GMPS: variants seen among roughly 807,000 people sequenced by gnomAD.
GMPS encodes the protein guanosine monophosphate synthase.
GMPS carries 15 observed loss-of-function variants against 77.9 expected under a neutral mutation model. The ratio of observed to expected loss-of-function variants is 0.19; its 90% CI spans 0.13 to 0.30. The LOEUF (loss-of-function observed/expected upper bound fraction) is 0.30. Among genes scored for constraint, GMPS ranks in the 10% least tolerant of loss-of-function variants. GMPS has a pLI of 1.00. For missense variants in GMPS, 590 were observed against 838.8 expected, an observed-to-expected ratio of 0.70 and a Z score of 3.66; for synonymous variants, 224 against 275.9, an observed-to-expected ratio of 0.81 and a Z score of 1.86.
intron 12 of GMPS, among the ~76,000 whole-genome samples, chr3:155,927,356 G>C (rs1428976089): frequency 6.6e-6 from 1 of 152,126 alleles, no homozygotes; most frequent in Non-Finnish European, 1.5e-5. Context: ...ATTTGTTATA[G>C]AGAACTTCAA....
chr3:155,920,188 G>T (rs570278740), intron 10 of GMPS, among the ~76,000 whole-genome samples: 6 of 152,204 alleles, frequency 3.9e-5, no homozygotes, highest in Non-Finnish European at 7.3e-5. Context: ...ATTGAAAGGA[G>T]TGGAGCCAGA....
rs1755336409 is a variant in GMPS at position 155,922,216 on chromosome 3, G to A, written c.1348G>A (p.Ala450Thr). Residue 450 changes from alanine (A) to threonine (T), a missense_variant, in exon 11 of 16, where the codon GCT (alanine) becomes ACT (threonine). Ala to Thr is a moderately conservative substitution (Grantham distance 58). Coordinates refer to ENST00000496455, the MANE Select transcript of GMPS (RefSeq NM_003875.3). ...GPGLAIRVIC[A>T]EEPYICKDFP... is the part of the protein sequence containing the mutation. ...TGGCCTGGCAATCAGAGTAATATGT[G>A]CTGAAGAACCTTATATTTGTAAGGA... The A allele has an allele frequency of 1.3e-6, 2 of 1,558,196 alleles. No individual in the cohort carries two copies. Among genetic ancestry groups the A allele is most frequent in the Non-Finnish European group, 1.7e-6 (2 of 1,148,192 alleles).
intron 3 of GMPS, 69 bp downstream of exon 3, chr3:155,898,110 T>G: frequency 2.5e-6 from 2 of 814,888 alleles, no homozygotes; most frequent in Non-Finnish European, 4.4e-6. Flanking sequence ...ACTGTATTAG[T>G]ATTTTCTCTC....
At chr3:155,900,315 G>A (rs2108085210) in intron 3 of GMPS, among the ~76,000 whole-genome samples, 1 of 150,872 alleles carries the variant, frequency 6.6e-6, no homozygotes, top group East Asian at 1.9e-4. Context: ...TTTCCATCTA[G>A]TAGTCTTAGA....
chr3:155,938,869 A>C lies in GMPS; in HGVS notation c.*1177A>C, dbSNP rs1359074532. On this transcript the variant is annotated 3_prime_UTR_variant, in exon 16 of 16. Coordinates refer to ENST00000496455, the MANE Select transcript of GMPS (RefSeq NM_003875.3). ...TAACATTCACATAAGTACTGTAGACAGTAGTAGACTTAAACTCTCCGTTTC... is the reference window on the plus strand; with the variant it reads ...TAACATTCACATAAGTACTGTAGACCGTAGTAGACTTAAACTCTCCGTTTC... The C allele has an allele frequency of 1.4e-5, 3 of 214,320 alleles. No individual in the cohort carries two copies. Among genetic ancestry groups the C allele is most frequent in the Admixed American group, 5.8e-5 (1 of 17,118 alleles). The allele number at this position is 214,320 out of a possible 1,614,324, so 13.3% of individuals were successfully genotyped here.
chr3:155,870,929 C>T, intron 1 of GMPS, 32 bp downstream of exon 1: 2 of 1,443,404 alleles, frequency 1.4e-6, no homozygotes, highest in Non-Finnish European at 1.8e-6. Context: ...GCACCGCATC[C>T]CGGCGGAGGC....
rs943378962 is a variant in GMPS, at chr3:155,941,528, C to T, written c.*3836C>T. On this transcript the variant is annotated 3_prime_UTR_variant, in exon 16 of 16. Coordinates refer to ENST00000496455, the MANE Select transcript of GMPS (RefSeq NM_003875.3). ...GAGATAGCCCTGTCTTTCAGAAATT[C>T]TCTGACATCTGCTTGCGCAATGTTA... The T allele has an allele frequency of 4.6e-6, 1 of 216,662 alleles. No homozygotes were observed. The highest frequency in any genetic ancestry group is 9.3e-6 in the Non-Finnish European group (1 of 107,738). 13.4% of individuals were successfully genotyped at this position (216,662 alleles called of 1,614,324 possible).
rs991779187 is a variant in GMPS, at chr3:155,937,879, C to T, written c.*187C>T. 1.7e-5 allele frequency: 9 copies of T among 522,754 alleles called. No individual in the cohort carries two copies. Among genetic ancestry groups the T allele is most frequent in the Middle Eastern group, 3.8e-4 (1 of 2,614 alleles). The allele number at this position is 522,754 out of a possible 1,614,324, so 32.4% of individuals were successfully genotyped here. ...ACCAAAAGGGACTGAAGAGTTTGTA[C>T]GGGTAAATAATCAAAGCACCATTGC... On this transcript the variant is annotated 3_prime_UTR_variant, in exon 16 of 16. Transcript: ENST00000496455.
At chr3:155,888,159 T>C (rs1385484906) in intron 1 of GMPS, among the ~76,000 whole-genome samples, 1 of 150,942 alleles carries the variant, frequency 6.6e-6, no homozygotes, top group Non-Finnish European at 1.5e-5. Flanking sequence ...TAATCCCCCC[T>C]CCTTAGCCTA....
chr3:155,937,514 A>C, intron 15 of GMPS, 77 bp from the exon 16 acceptor site: 1 of 699,544 alleles, frequency 1.4e-6, no homozygotes. Flanking sequence ...TTTTAATTTC[A>C]AATTACAAAT....
At chr3:155,890,237 A>G (rs1754432645) in intron 1 of GMPS, among the ~76,000 whole-genome samples, 1 of 152,236 alleles carries the variant, frequency 6.6e-6, no homozygotes, top group South Asian at 2.1e-4. Flanking sequence ...ATTTATTGCT[A>G]AGGAAACAGG....
In GMPS at chr3:155,910,752, C is replaced by T. The variant is rs1755017232; in HGVS notation, c.587C>T (p.Thr196Ile). 1 of 1,610,326 alleles carries T rather than the reference C, an allele frequency of 6.2e-7. No individual in the cohort carries two copies. Among genetic ancestry groups the T allele is most frequent in the Non-Finnish European group, 8.5e-7 (1 of 1,177,654 alleles). Residue 196 changes from threonine (T) to isoleucine (I), a missense_variant, in exon 6 of 16, where the codon ACA (threonine) becomes ATA (isoleucine). This residue lies in a region of GMPS where 136 missense variants were observed against 225.6 expected (regional missense o/e 0.60). Transcript: ENST00000496455. ...GAQFHPEVGLTENGKVILKNF... is the reference protein window; with the variant it reads ...GAQFHPEVGLIENGKVILKNF... ...CAGTTCCACCCTGAAGTTGGCCTTA[C>T]AGAAAATGGAAAAGTAATACTGAAG...
chr3:155,888,486 G>A (rs1754390495), intron 1 of GMPS, among the ~76,000 whole-genome samples: 1 of 151,718 alleles, frequency 6.6e-6, no homozygotes, highest in South Asian at 2.1e-4. Context: ...CTGGAGTGCA[G>A]TGGCATGATT....
At chr3:155,929,607 A>G (rs1755549825) in intron 12 of GMPS, among the ~76,000 whole-genome samples, 1 of 146,394 alleles carries the variant, frequency 6.8e-6, no homozygotes, top group Non-Finnish European at 1.5e-5. Flanking sequence ...TTGTATATCT[A>G]GAAAACCCCA....
chr3:155,905,301 G>A (rs1248074055), intron 4 of GMPS, among the ~76,000 whole-genome samples: 1 of 152,000 alleles, frequency 6.6e-6, no homozygotes, highest in South Asian at 2.1e-4. Context: ...GCGCCTGGCC[G>A]TTCCTTATTA....
intron 5 of GMPS, among the ~76,000 whole-genome samples, chr3:155,907,986 A>G (rs1191449127): frequency 6.6e-6 from 1 of 152,130 alleles, no homozygotes; most frequent in Non-Finnish European, 1.5e-5. Context: ...ATGCCAGAAC[A>G]CAGGACCTTT....
At chr3:155,886,611 CTTTTTTTTTTTTTT>C (rs58367815) in intron 1 of GMPS, among the ~76,000 whole-genome samples, 4 of 78,036 alleles carry the variant, frequency 5.1e-5, no homozygotes, top group Admixed American at 1.9e-4. Context: ...TTCCTGATGA[CTTTTTTTTTTTTTT>C]TTTTTTTTTT....
intron 12 of GMPS, among the ~76,000 whole-genome samples, chr3:155,927,274 A>G (rs1036662512): frequency 6.6e-6 from 1 of 152,190 alleles, no homozygotes; most frequent in African/African-American, 2.4e-5. Flanking sequence ...TACAGGCAGT[A>G]TTACCCTAAT....
chr3:155,892,923 C>A (rs557081457), intron 1 of GMPS, among the ~76,000 whole-genome samples: 95 of 152,312 alleles, frequency 6.2e-4, no homozygotes, highest in African/African-American at 2.2e-3. Flanking sequence ...TGAGCCACCG[C>A]GCCCGGCCTA....
Sources: gnomAD v4.1 joint callset for allele counts (sites outside exome capture counted in the v4.1 genomes callset) on GRCh38, gnomAD v4.1.1 for gene constraint, gnomAD v4.1.1 regional missense constraint, MANE v1.5 for transcripts, NCBI Gene and HGNC (gene_info 2026-07-23, HGNC 2026-07-21) for gene names.